Variants in LYST observed in about 807,000 individuals in gnomAD.
The protein encoded by LYST is lysosomal-trafficking regulator.
LYST carries 192 observed loss-of-function variants against 413.6 expected under a neutral mutation model. The ratio of observed to expected loss-of-function variants is 0.46; its 90% CI spans 0.41 to 0.52. The LOEUF (loss-of-function observed/expected upper bound fraction) is 0.52, where lower values mean the gene tolerates loss of function less well. Ranked by LOEUF, LYST falls within the 20% of genes least tolerant of loss-of-function variation. LYST has a pLI of 0.00. For synonymous variants in LYST, 1,525 were observed against 1,567.3 expected (o/e 0.97, Z 0.64); for missense variants, 3,815 against 4,499.9 (o/e 0.85, Z 4.35).
chr1:235,695,735 C>T (rs1469797161), intron 46 of LYST, among the ~76,000 whole-genome samples: 2 of 150,536 alleles, frequency 1.3e-5, no homozygotes, highest in African/African-American at 4.9e-5. Flanking sequence ...TGGGTTCACG[C>T]CATTCTCCTG....
intron 29 of LYST, among the ~76,000 whole-genome samples, chr1:235,744,829 G>A (rs942665798): frequency 2.7e-5 from 4 of 150,718 alleles, no homozygotes; most frequent in African/African-American, 9.8e-5. Context: ...GAGCCCAGGA[G>A]GTAAAGGTTG....
At chr1:235,826,045 C>T (rs1675297022) in intron 3 of LYST, among the ~76,000 whole-genome samples, 2 of 152,168 alleles carry the variant, frequency 1.3e-5, no homozygotes, top group African/African-American at 2.4e-5. Context: ...TGCTCATCAT[C>T]ATTAATTGCC....
chr1:235,780,972 T>C lies in LYST; in HGVS notation c.5107A>G (p.Lys1703Glu). ...HTSVMPCKYG[K>E]PVNDYSKYIN... Reference sequence around the variant, plus strand: ...TATTTGGAGTAGTCATTGACTGGCTTGCCATACTTACATGGCATTACAGAT... The same window carrying C: ...TATTTGGAGTAGTCATTGACTGGCTCGCCATACTTACATGGCATTACAGAT... The change falls in exon 16 of 53, where the codon AAG becomes GAG. Residue 1703 changes from lysine to glutamate, a missense_variant. Coordinates refer to ENST00000389793, the MANE Select transcript of LYST (RefSeq NM_000081.4). The C allele has an allele frequency of 6.2e-7, 1 of 1,609,130 alleles. No homozygotes were observed. Among genetic ancestry groups the C allele is most frequent in the Non-Finnish European group, 8.5e-7 (1 of 1,176,530 alleles).
chr1:235,828,100 A>AAC (rs1675540773), intron 3 of LYST: 2 of 889,610 alleles, frequency 2.2e-6, no homozygotes, highest in Non-Finnish European at 2.7e-6. Flanking sequence ...TAGAATGGCT[A>AAC]ACACTACAGA....
intron 50 of LYST, 134 bp downstream of exon 50, chr1:235,676,957 C>G (rs989340396): frequency 4.2e-6 from 3 of 722,572 alleles, no homozygotes; most frequent in Admixed American, 1.9e-5. Context: ...TATTTCTATA[C>G]ACATACATGC....
At position 235,668,271 on chromosome 1, in the gene LYST, A is replaced by C. The variant is rs190531106; in HGVS notation, c.11039-3650T>G. On this transcript the variant is annotated intron_variant, in intron 50 of 52. Coordinates refer to ENST00000389793, the MANE Select transcript of LYST (RefSeq NM_000081.4). ...CCAATAAATAGTCAAAATTTTTGAT[A>C]GGTTAAATCTGATAACTTTCTTTCC... Among the ~76,000 whole-genome samples the C allele has an allele frequency of 8.0e-3, 1,215 of 152,284 alleles. 7 individuals are homozygous for C. The highest frequency in any genetic ancestry group is 0.012 in the Non-Finnish European group (803 of 68,020).
intron 50 of LYST, among the ~76,000 whole-genome samples, chr1:235,673,237 C>G (rs1448842478): frequency 6.6e-6 from 1 of 151,926 alleles, no homozygotes; most frequent in Non-Finnish European, 1.5e-5. Context: ...TTTCTCTTCT[C>G]TTTCCCTTAA....
chr1:235,807,795 A>G (rs1673032972), intron 5 of LYST, among the ~76,000 whole-genome samples: 1 of 152,080 alleles, frequency 6.6e-6, no homozygotes, highest in Non-Finnish European at 1.5e-5. Flanking sequence ...TTGTTTATCT[A>G]TATTTTCTAA....
chr1:235,731,156 G>A lies in LYST; in HGVS notation c.8823C>T (p.Ile2941=), dbSNP rs778418856. Residue 2941 remains isoleucine, a synonymous_variant, in exon 35 of 53, where the codon ATC becomes ATT. Transcript: ENST00000389793. The part of the protein sequence containing the change: ...THDRAVWYDP[I]YYPTSWQLDP... ...CCAACTGCCATGAGGTTGGATAGTAGATGGGGTCATACCATACTGCTCTGC... is the reference window on the plus strand; with the variant it reads ...CCAACTGCCATGAGGTTGGATAGTAAATGGGGTCATACCATACTGCTCTGC... 4 of 1,614,068 alleles carry A rather than the reference G, an allele frequency of 2.5e-6. No individual in the cohort carries two copies. In the South Asian group the frequency reaches 3.3e-5, roughly 13 times the overall value.
chr1:235,856,368 T>G (rs1036384300), intron 1 of LYST, among the ~76,000 whole-genome samples: 3 of 152,132 alleles, frequency 2.0e-5, no homozygotes, highest in Admixed American at 6.6e-5. Flanking sequence ...AGATTCTCAG[T>G]TTTCTGTTTT....
In LYST at chr1:235,833,671, C is replaced by CAA. The variant is rs796496578; in HGVS notation, c.-97-6_-97-5dup. The CAA allele has an allele frequency of 7.6e-6, 6 of 787,614 alleles. No homozygotes were observed. Among genetic ancestry groups the CAA allele is most frequent in the African/African-American group, 3.8e-5 (2 of 52,942 alleles). The allele number at this position is 787,614 out of a possible 1,614,324, so 48.8% of individuals were successfully genotyped here. A position where few individuals can be genotyped will look rare whatever the true frequency, so the allele number is the denominator to read the frequency against. On this transcript the variant is annotated splice_region_variant and splice_polypyrimidine_tract_variant and intron_variant, in intron 1 of 52. Transcript: ENST00000389793. Reference sequence around the variant, plus strand: ...TATTCTTAGAACAAAGCTTCACCTACAAAAAAAAAGACATATTAATCACAA... The same window carrying CAA: ...TATTCTTAGAACAAAGCTTCACCTACAAAAAAAAAAAGACATATTAATCACAA...
chr1:235,840,954 T>G (rs1677133327), intron 1 of LYST, among the ~76,000 whole-genome samples: 1 of 152,066 alleles, frequency 6.6e-6, no homozygotes, highest in Admixed American at 6.6e-5. Context: ...ACTGGCTTGG[T>G]TAACTGGATA....
intron 34 of LYST, among the ~76,000 whole-genome samples, chr1:235,733,035 G>A (rs1002479057): frequency 4.6e-5 from 7 of 151,896 alleles, no homozygotes; most frequent in Non-Finnish European, 8.8e-5. Context: ...TAAACTTTTC[G>A]AGTAATTCTT....
intron 30 of LYST, 88 bp from the exon 31 acceptor site, chr1:235,741,716 G>A: frequency 1.1e-6 from 1 of 951,996 alleles, no homozygotes; most frequent in South Asian, 1.3e-5. Flanking sequence ...AGAAGATTAT[G>A]GAACACGTTT....
chr1:235,677,719 C>T, intron 48 of LYST, 100 bp from the exon 49 acceptor site: 1 of 863,280 alleles, frequency 1.2e-6, no homozygotes, highest in African/African-American at 1.7e-5. Context: ...AAATGGTCTT[C>T]TCAAACATAT....
chr1:235,800,807 G>A (rs1672132515), intron 9 of LYST, 64 bp downstream of exon 9: 2 of 1,109,462 alleles, frequency 1.8e-6, no homozygotes, highest in African/African-American at 1.6e-5. Context: ...TTATACATAA[G>A]GAGATGTTAT....
chr1:235,671,067 C>T (rs572289055), intron 50 of LYST, among the ~76,000 whole-genome samples: 2 of 152,178 alleles, frequency 1.3e-5, no homozygotes, highest in East Asian at 3.9e-4. Context: ...TATTTATTTT[C>T]ACAAGGATTA....
chr1:235,800,244 C>G (rs1398978449), intron 10 of LYST, 76 bp downstream of exon 10: 1 of 1,009,264 alleles, frequency 9.9e-7, no homozygotes, highest in East Asian at 2.4e-5. Context: ...GCCACCACAC[C>G]TGGCCAGAAG....
chr1:235,681,972 G>C (rs1659852082), intron 48 of LYST, among the ~76,000 whole-genome samples: 1 of 152,080 alleles, frequency 6.6e-6, no homozygotes, highest in African/African-American at 2.4e-5. Flanking sequence ...GTGTGTTTCA[G>C]TAGTCTCATG....
Sources: gnomAD v4.1 joint callset for allele counts (sites outside exome capture counted in the v4.1 genomes callset) on GRCh38, gnomAD v4.1.1 for gene constraint, MANE v1.5 for transcripts, NCBI Gene and HGNC (gene_info 2026-07-23, HGNC 2026-07-21) for gene names.